The following ASIC4 variants were observed in gnomAD, a reference collection of about 807,000 sequenced individuals.
ASIC4 encodes acid-sensing ion channel 4.
A neutral mutation model predicts 53.4 loss-of-function variants in ASIC4; 28 were observed. The ratio of observed to expected loss-of-function variants is 0.52; its 90% CI spans 0.39 to 0.72. The LOEUF (loss-of-function observed/expected upper bound fraction) is 0.72, where lower values mean the gene tolerates loss of function less well. ASIC4 is among the 30% of genes least tolerant of loss of function. The pLI, the probability that ASIC4 is intolerant of heterozygous loss-of-function variation, is 0.00. For missense variants in ASIC4, 649 were observed against 729.7 expected (o/e 0.89, Z 1.27); for synonymous variants, 289 against 301.4 (o/e 0.96, Z 0.43).
chr2:219,527,571 A>T (rs757412913), intron 1 of ASIC4, among the ~76,000 whole-genome samples: 8 of 152,008 alleles, frequency 5.3e-5, no homozygotes, highest in Non-Finnish European at 1.2e-4. Flanking sequence ...TTCACTGAAC[A>T]CCCACCAGGT....
intron 1 of ASIC4, among the ~76,000 whole-genome samples, chr2:219,530,406 C>T (rs960177077): frequency 6.6e-6 from 1 of 152,270 alleles, no homozygotes; most frequent in African/African-American, 2.4e-5. Flanking sequence ...GGCTTCTGTG[C>T]GGCAGAGACT....
the ASIC4 span, among the ~76,000 whole-genome samples, chr2:219,507,749 A>G: frequency 6.6e-6 from 1 of 152,096 alleles, no homozygotes; most frequent in Non-Finnish European, 1.5e-5. Flanking sequence ...CTGCTAATTG[A>G]GAGGAATCTA....
the ASIC4 span, among the ~76,000 whole-genome samples, chr2:219,507,204 C>G: frequency 1.3e-5 from 2 of 152,196 alleles, no homozygotes; most frequent in South Asian, 2.1e-4. Flanking sequence ...CCTGGTCCCC[C>G]CCTTCACCCC....
Position 219,532,056 on chromosome 2 carries a change from G to T in ASIC4, c.783G>T (p.Pro261=). The T allele has an allele frequency of 6.2e-7, 1 of 1,614,248 alleles. No individual in the cohort carries two copies. The highest frequency in any genetic ancestry group is 1.3e-5 in the African/African-American group (1 of 75,068). The change falls in exon 3 of 10, where the codon CCG becomes CCT. Residue 261 remains proline (P), a synonymous_variant. Transcript: ENST00000358078. ...TGCAGATCCACAGCCAGGAGGAGCC[G>T]CCCTACATCCACCAGCTGGGGTTCG... ...IRVQIHSQEE[P]PYIHQLGFGV...
upstream of ASIC4, among the ~76,000 whole-genome samples, chr2:219,511,118 A>C (rs781060276): frequency 5.5e-4 from 83 of 152,024 alleles, no homozygotes; most frequent in Non-Finnish European, 7.5e-4. The surrounding 1 kb of genome is among the most constrained non-coding windows in gnomAD (Gnocchi z 5.3). Flanking sequence ...GTGCAGGGGG[A>C]GGGAGGCTGG....
At position 219,520,596 on chromosome 2, in the gene ASIC4, G is replaced by A. The variant is rs997343261; in HGVS notation, c.582+5290G>A. Reference sequence around the variant, plus strand: ...GGTTCCAAGGGCTGCCCCTTGCCCCGTTGGCTGTGGAAGGGAGAGGGTGCC... The same window carrying A: ...GGTTCCAAGGGCTGCCCCTTGCCCCATTGGCTGTGGAAGGGAGAGGGTGCC... On this transcript the variant is annotated intron_variant, in intron 1 of 9. Coordinates refer to ENST00000358078, the MANE Select transcript of ASIC4 (RefSeq NM_018674.6). Among the ~76,000 whole-genome samples the A allele has an allele frequency of 7.9e-5, 12 of 152,320 alleles. No homozygotes were observed. In the East Asian group the frequency reaches 1.2e-3, roughly 15 times the overall value.
rs1695170319 is a variant in ASIC4, at chr2:219,537,843, C to G, written c.1507-90C>G. 2 of 1,492,290 alleles carry G rather than the reference C, an allele frequency of 1.3e-6. No individual in the cohort carries two copies. Among genetic ancestry groups the G allele is most frequent in the Non-Finnish European group, 1.8e-6 (2 of 1,091,054 alleles). The allele number at this position is 1,492,290 out of a possible 1,614,324, so 92.4% of individuals were successfully genotyped here. Reference sequence around the variant, plus strand: ...GTGGAGGGGGCCCTGGAGCCTCTGCCCGAGGTGACAAGGAAAGGCTGGCGG... The same window carrying G: ...GTGGAGGGGGCCCTGGAGCCTCTGCGCGAGGTGACAAGGAAAGGCTGGCGG... On this transcript the variant is annotated intron_variant, in intron 9 of 9. Coordinates refer to ENST00000358078, the MANE Select transcript of ASIC4 (RefSeq NM_018674.6). The surrounding 1 kb of genome is among the most constrained non-coding windows in gnomAD (Gnocchi z 4.9).
upstream of ASIC4, chr2:219,514,231 G>C (rs1694738089): frequency 7.8e-7 from 1 of 1,287,166 alleles, no homozygotes; most frequent in Non-Finnish European, 1.0e-6. Flanking sequence ...TGGGATCTCT[G>C]TCCTGGGCTG....
At chr2:219,514,383 G>A (rs1021693013), upstream of ASIC4, 9 of 1,546,628 alleles carry the variant, frequency 5.8e-6, no homozygotes, top group Non-Finnish European at 7.9e-6. Flanking sequence ...GCGTGGCGGA[G>A]CAGCGCTCGC....
chr2:219,538,269 C>T lies in ASIC4; in HGVS notation c.*223C>T. 1.8e-6 allele frequency: 1 copy of T among 565,014 alleles called. No homozygotes were observed. Among genetic ancestry groups the T allele is most frequent in the South Asian group, 2.1e-5 (1 of 48,686 alleles). The allele number at this position is 565,014 out of a possible 1,614,324, so 35.0% of individuals were successfully genotyped here. A position where few individuals can be genotyped will look rare whatever the true frequency, so the allele number is the denominator to read the frequency against. ...GCTGGTGCCCCGGGAGGGCTGGAGA[C>T]CAGGCCATGGGCCCTCACGGAGAGG... On this transcript the variant is annotated 3_prime_UTR_variant, in exon 10 of 10. Coordinates refer to ENST00000358078, the MANE Select transcript of ASIC4 (RefSeq NM_018674.6).
chr2:219,507,451 G>T, the ASIC4 span, among the ~76,000 whole-genome samples: 2 of 152,232 alleles, frequency 1.3e-5, no homozygotes, highest in African/African-American at 4.8e-5. Flanking sequence ...CAGGGTGGGG[G>T]TTTTGCCTCT....
At chr2:219,532,695 T>C in intron 4 of ASIC4, 188 bp from the exon 5 acceptor site, 1 of 813,896 alleles carries the variant, frequency 1.2e-6, no homozygotes, top group Non-Finnish European at 1.9e-6. Flanking sequence ...TGTTAATATG[T>C]ATTTGTGTAC....
chr2:219,526,601 C>T (rs746023423), intron 1 of ASIC4, among the ~76,000 whole-genome samples: 1 of 151,962 alleles, frequency 6.6e-6, no homozygotes, highest in Non-Finnish European at 1.5e-5. Context: ...ACGGGTCAGG[C>T]GGATAGAGAA....
chr2:219,518,997 G>A lies in ASIC4; in HGVS notation c.582+3691G>A, dbSNP rs932285401. ...CGGCTCACTACAGGCTCCGCCCCCC[G>A]GGGTTCATGCCATTCTCTTGCCTCA... On this transcript the variant is annotated intron_variant, in intron 1 of 9. Transcript: ENST00000358078. The surrounding 1 kb of genome is among the most constrained non-coding windows in gnomAD (Gnocchi z 4.8). Among the ~76,000 whole-genome samples the A allele has an allele frequency of 1.2e-4, 18 of 152,046 alleles. No homozygotes were observed. The highest frequency in any genetic ancestry group is 4.1e-4 in the African/African-American group (17 of 41,400).
In ASIC4 at chr2:219,522,700, C is replaced by T. The variant is rs898666950; in HGVS notation, c.582+7394C>T. 1.1e-4 allele frequency among the ~76,000 whole-genome samples: 17 copies of T among 152,240 alleles called. No homozygotes were observed. In the South Asian group the frequency reaches 3.1e-3, roughly 28 times the overall value. Reference sequence around the variant, plus strand: ...CCGCCAGCCAGGCCCAGCTCCGCATCCATCTCCTCGGGACCCCCGCCCCCG... The same window carrying T: ...CCGCCAGCCAGGCCCAGCTCCGCATTCATCTCCTCGGGACCCCCGCCCCCG... On this transcript the variant is annotated intron_variant, in intron 1 of 9. Coordinates refer to ENST00000358078, the MANE Select transcript of ASIC4 (RefSeq NM_018674.6).
intron 1 of ASIC4, 108 bp downstream of exon 1, chr2:219,515,414 A>G (rs1238484814): frequency 7.4e-7 from 1 of 1,355,858 alleles, no homozygotes; most frequent in African/African-American, 1.5e-5. Context: ...GCTTCCCTTC[A>G]TTCCACCACC....
upstream of ASIC4, among the ~76,000 whole-genome samples, chr2:219,509,911 C>T (rs1453006737): frequency 1.3e-5 from 2 of 152,126 alleles, no homozygotes; most frequent in Non-Finnish European, 2.9e-5. This position sits in a 1 kb window ranked among gnomAD's most constrained non-coding sequence, Gnocchi z 5.2. Flanking sequence ...AGGGTTGGCC[C>T]CTGCCACTGC....
chr2:219,514,814 C>T lies in ASIC4; in HGVS notation c.90C>T (p.Leu30=), dbSNP rs771617305. 65 of 1,613,266 alleles carry T rather than the reference C, an allele frequency of 4.0e-5. 1 individual carries two copies. The highest frequency in any genetic ancestry group is 5.5e-5 in the South Asian group (5 of 91,088). ...AGGCAGGGGATGAGCAGAGCCTCCT[C>T]GGGGCTGTTGCCCCTGGAGCAGCCC... ...EKEAGDEQSL[L]GAVAPGAAPR... Residue 30 remains leucine, a synonymous_variant, in exon 1 of 10, where the codon CTC becomes CTT. Coordinates refer to ENST00000358078, the MANE Select transcript of ASIC4 (RefSeq NM_018674.6).
the ASIC4 span, among the ~76,000 whole-genome samples, chr2:219,508,838 G>C: frequency 6.6e-6 from 1 of 150,834 alleles, no homozygotes; most frequent in Non-Finnish European, 1.5e-5. Context: ...TGCGGGGGAG[G>C]GGTGCGCTCC....
Sources: gnomAD v4.1 joint callset for allele counts (sites outside exome capture counted in the v4.1 genomes callset) on GRCh38, gnomAD v4.1.1 for gene constraint, Gnocchi (gnomAD v3.1) non-coding constraint, MANE v1.5 for transcripts, NCBI Gene and HGNC (gene_info 2026-07-23, HGNC 2026-07-21) for gene names.